The following AP3S1 variants were observed in gnomAD, a reference collection of about 807,000 sequenced individuals.
AP3S1 encodes the protein AP-3 complex subunit sigma-1.
AP3S1 carries 12 observed loss-of-function variants against 21.3 expected under a neutral mutation model. The observed-to-expected ratio is 0.56, with a 90% confidence interval of 0.36 to 0.91. The LOEUF (loss-of-function observed/expected upper bound fraction) is 0.91, where lower values mean the gene tolerates loss of function less well. AP3S1 is among the 40% of genes least tolerant of loss of function. AP3S1 has a pLI of 0.01. For missense variants in AP3S1, 116 were observed against 225.0 expected, an observed-to-expected ratio of 0.52 and a Z score of 3.10; for synonymous variants, 48 against 78.4, an observed-to-expected ratio of 0.61 and a Z score of 2.05.
At chr5:115,881,042 C>A (rs1382490081) in intron 3 of AP3S1, among the ~76,000 whole-genome samples, 1 of 150,944 alleles carries the variant, frequency 6.6e-6, no homozygotes, top group Non-Finnish European at 1.5e-5. Context: ...TTTTGCTTTC[C>A]ATTTTCTTGG....
In AP3S1 at chr5:115,913,398, G is replaced by C; in HGVS notation, c.490G>C (p.Ala164Pro). The C allele has an allele frequency of 6.2e-7, 1 of 1,613,966 alleles. No homozygotes were observed. ...AGGAGCTCCAGCCCGTGCTGTATCA[G>C]CTGTAAAGAATATGAATCTTCCTGA... The part of the protein sequence containing the change: ...LAGAPARAVS[A>P]VKNMNLPEIP... Residue 164 changes from alanine to proline, a missense_variant, in exon 6 of 6, where the codon GCT becomes CCT. Transcript: ENST00000316788.
intron 3 of AP3S1, among the ~76,000 whole-genome samples, chr5:115,894,580 A>G (rs1326911396): frequency 1.3e-5 from 2 of 152,160 alleles, no homozygotes; most frequent in African/African-American, 4.8e-5. Flanking sequence ...GAGGTCATAC[A>G]AGTTATTCAG....
At chr5:115,911,717 A>G (rs1453844745) in intron 5 of AP3S1, among the ~76,000 whole-genome samples, 2 of 151,984 alleles carry the variant, frequency 1.3e-5, no homozygotes, top group Non-Finnish European at 2.9e-5. Flanking sequence ...ATCAAATTAA[A>G]GACCCTTTCA....
intron 3 of AP3S1, among the ~76,000 whole-genome samples, chr5:115,885,386 G>A (rs1025474799): frequency 1.3e-5 from 2 of 152,138 alleles, no homozygotes; most frequent in Non-Finnish European, 2.9e-5. Context: ...GTGGTCAAAG[G>A]CCAGAGAGTT....
chr5:115,852,624 C>T (rs1373797352), intron 1 of AP3S1, among the ~76,000 whole-genome samples: 1 of 151,980 alleles, frequency 6.6e-6, no homozygotes, highest in Non-Finnish European at 1.5e-5. Flanking sequence ...ACTTTTCAAT[C>T]CCCACTCCCC....
chr5:115,897,678 G>C (rs989599891), intron 4 of AP3S1, among the ~76,000 whole-genome samples: 15 of 151,802 alleles, frequency 9.9e-5, no homozygotes, highest in African/African-American at 3.6e-4. Context: ...TCCTGCCTCA[G>C]CCTCCCGAGT....
At chr5:115,905,012 G>T (rs1239676697) in intron 5 of AP3S1, among the ~76,000 whole-genome samples, 1 of 151,994 alleles carries the variant, frequency 6.6e-6, no homozygotes, top group Non-Finnish European at 1.5e-5. Flanking sequence ...TTTTTCTTCT[G>T]CTACTTAAGA....
At chr5:115,847,952 T>C (rs941376638) in intron 1 of AP3S1, among the ~76,000 whole-genome samples, 1 of 152,208 alleles carries the variant, frequency 6.6e-6, no homozygotes, top group Admixed American at 6.5e-5. Flanking sequence ...TCACAGTTTT[T>C]ATGTGGAGTA....
chr5:115,885,322 G>T (rs1051792114), intron 3 of AP3S1, among the ~76,000 whole-genome samples: 15 of 152,168 alleles, frequency 9.9e-5, no homozygotes, highest in Admixed American at 1.3e-4. Context: ...TAGTGGCTCA[G>T]TCCGAGTCCA....
chr5:115,894,843 G>A (rs1750610755), intron 3 of AP3S1, among the ~76,000 whole-genome samples: 1 of 152,080 alleles, frequency 6.6e-6, no homozygotes, highest in African/African-American at 2.4e-5. Context: ...AGACTTTCTA[G>A]TTTTAGTCCT....
intron 3 of AP3S1, among the ~76,000 whole-genome samples, chr5:115,874,262 A>G (rs889908139): frequency 2.6e-5 from 4 of 152,114 alleles, no homozygotes; most frequent in African/African-American, 7.2e-5. Context: ...TATGCCATAT[A>G]TGCTAGAGTT....
intron 4 of AP3S1, among the ~76,000 whole-genome samples, chr5:115,900,668 A>T (rs1284599175): frequency 6.6e-6 from 1 of 152,166 alleles, no homozygotes; most frequent in Non-Finnish European, 1.5e-5. Flanking sequence ...CCCTCAAGTC[A>T]GCCATTTCTC....
intron 3 of AP3S1, among the ~76,000 whole-genome samples, chr5:115,876,882 A>G (rs1361710555): frequency 6.6e-6 from 1 of 152,178 alleles, no homozygotes; most frequent in African/African-American, 2.4e-5. Flanking sequence ...GAGGTATATG[A>G]TGTCCATTTG....
intron 4 of AP3S1, among the ~76,000 whole-genome samples, chr5:115,899,819 A>G (rs953218746): frequency 2.0e-5 from 3 of 152,176 alleles, no homozygotes; most frequent in African/African-American, 4.8e-5. Context: ...TCTATTATAC[A>G]AGTACTTGGA....
intron 3 of AP3S1, among the ~76,000 whole-genome samples, chr5:115,880,477 C>T (rs765484542): frequency 1.3e-5 from 2 of 152,146 alleles, no homozygotes; most frequent in Non-Finnish European, 2.9e-5. Flanking sequence ...CACTCTGGAG[C>T]AGGTTGTTCA....
At chr5:115,861,465 G>A (rs1314714661) in intron 1 of AP3S1, among the ~76,000 whole-genome samples, 2 of 152,146 alleles carry the variant, frequency 1.3e-5, no homozygotes, top group African/African-American at 4.8e-5. Context: ...AACACGGCTT[G>A]CACATCTTTG....
chr5:115,869,632 T>C (rs1003375555), intron 2 of AP3S1, among the ~76,000 whole-genome samples: 1 of 152,240 alleles, frequency 6.6e-6, no homozygotes, highest in East Asian at 1.9e-4. Context: ...TTGCTTAATA[T>C]TCAGCCTGAA....
chr5:115,883,607 G>C (rs758756584), intron 3 of AP3S1, among the ~76,000 whole-genome samples: 1 of 152,204 alleles, frequency 6.6e-6, no homozygotes, highest in Non-Finnish European at 1.5e-5. Flanking sequence ...CGCCTTCTGC[G>C]TTGATCTCGC....
At chr5:115,851,418 G>A (rs1049826526) in intron 1 of AP3S1, among the ~76,000 whole-genome samples, 1 of 152,178 alleles carries the variant, frequency 6.6e-6, no homozygotes, top group Non-Finnish European at 1.5e-5. Flanking sequence ...ATTTTCCACA[G>A]TGGCTGTACC....
Sources: allele counts gnomAD v4.1 joint callset (sites outside exome capture counted in the v4.1 genomes callset), GRCh38; gene constraint gnomAD v4.1.1; transcripts MANE v1.5; gene names NCBI Gene and HGNC (gene_info 2026-07-23, HGNC 2026-07-21).